ING3: variants seen among roughly 807,000 people sequenced by gnomAD.
The protein encoded by ING3 is inhibitor of growth protein 3.
ING3 carries 6 observed loss-of-function variants against 64.8 expected under a neutral mutation model. The observed-to-expected ratio is 0.09, with a 90% CI of 0.05 to 0.18. The LOEUF is 0.18. Among genes scored for constraint, ING3 ranks in the 10% least tolerant of loss-of-function variants. ING3 has a pLI of 1.00. For missense variants in ING3, 310 were observed against 489.7 expected (o/e 0.63, Z 3.46); for synonymous variants, 170 against 173.7 (o/e 0.98, Z 0.17).
chr7:120,953,486 G>T (rs1391871875), intron 3 of ING3, 82 bp downstream of exon 3: 2 of 782,904 alleles, frequency 2.6e-6, no homozygotes, highest in Non-Finnish European at 4.3e-6. Context: ...TAGTGGTCTG[G>T]ATATCAAAAT....
chr7:120,961,886 G>C (rs548136420), intron 4 of ING3, among the ~76,000 whole-genome samples: 1 of 152,318 alleles, frequency 6.6e-6, no homozygotes, highest in African/African-American at 2.4e-5. Context: ...CCCTGTTTTA[G>C]GAATCTGTGG....
At chr7:120,959,496 TTTTC>T (rs1795899818) in intron 4 of ING3, among the ~76,000 whole-genome samples, 2 of 152,078 alleles carry the variant, frequency 1.3e-5, no homozygotes, top group South Asian at 4.1e-4. Flanking sequence ...AGCATCTCCT[TTTTC>T]TTCTCTAACT....
chr7:120,958,840 G>A (rs1175653887), intron 4 of ING3, among the ~76,000 whole-genome samples: 1 of 152,194 alleles, frequency 6.6e-6, no homozygotes, highest in Non-Finnish European at 1.5e-5. Flanking sequence ...TTTAGCTAGT[G>A]TAGTCTTCCT....
chr7:120,972,032 A>G (rs1476718682), intron 10 of ING3, among the ~76,000 whole-genome samples: 1 of 152,064 alleles, frequency 6.6e-6, no homozygotes, highest in East Asian at 1.9e-4. Flanking sequence ...TACATTATGA[A>G]TCGACTCCTA....
rs1795760096 is a variant in ING3, at chr7:120,951,255, A to C, written c.100+20A>C. The C allele has an allele frequency of 6.2e-7, 1 of 1,612,336 alleles. No homozygotes were observed. The highest frequency in any genetic ancestry group is 1.3e-5 in the African/African-American group (1 of 74,786). On this transcript the variant is annotated intron_variant, in intron 2 of 11. Coordinates refer to ENST00000315870, the MANE Select transcript of ING3 (RefSeq NM_019071.3). ...TGCAGAGTAAGTCGGCGCGTCTACT[A>C]CTCCTGTTCGCTGCGCGCGTTCAGT...
Position 120,953,295 on chromosome 7 carries a change from A to G in ING3, c.101-9A>G, listed in dbSNP as rs766283704. 5 of 1,511,390 alleles carry G rather than the reference A, an allele frequency of 3.3e-6. No homozygotes were observed. In the Admixed American group the frequency reaches 6.4e-5, roughly 19 times the overall value. 93.6% of individuals were successfully genotyped at this position (1,511,390 alleles called of 1,614,324 possible). A position where few individuals can be genotyped will look rare whatever the true frequency, so the allele number is the denominator to read the frequency against. On this transcript the variant is annotated splice_polypyrimidine_tract_variant and intron_variant, in intron 2 of 11. Coordinates refer to ENST00000315870, the MANE Select transcript of ING3 (RefSeq NM_019071.3). ...TCATTTAATATGAATTTTTTTTATT[A>G]TGTCATAGATGCAATGGATCAACTA...
At position 120,975,110 on chromosome 7, in the gene ING3, T is replaced by C; in HGVS notation, c.*266T>C. 4.5e-6 allele frequency: 1 copy of C among 220,690 alleles called. No homozygotes were observed. Among genetic ancestry groups the C allele is most frequent in the Non-Finnish European group, 9.2e-6 (1 of 109,044 alleles). 13.7% of individuals were successfully genotyped at this position (220,690 alleles called of 1,614,324 possible). ...TTCAGTGGCCAACATATGCAGACAT[T>C]TGTACTCCTCAACCATTTTCTCAAA... On this transcript the variant is annotated 3_prime_UTR_variant, in exon 12 of 12. Coordinates refer to ENST00000315870, the MANE Select transcript of ING3 (RefSeq NM_019071.3).
At chr7:120,959,684 C>T (rs1325612110) in intron 4 of ING3, among the ~76,000 whole-genome samples, 7 of 110,622 alleles carry the variant, frequency 6.3e-5, no homozygotes, top group African/African-American at 1.0e-4. Flanking sequence ...CTCACTCTTT[C>T]GCCCAAGCTG....
At chr7:120,951,026 G>T (rs1351359505) in intron 1 of ING3, 102 bp downstream of exon 1, 19 of 1,473,930 alleles carry the variant, frequency 1.3e-5, no homozygotes, top group East Asian at 2.3e-5. Flanking sequence ...GGCGGCGGGG[G>T]ATGTTTCTTT....
In ING3 at chr7:120,953,283, AT is replaced by A. The variant is rs747094497; in HGVS notation, c.101-13del. 56 of 1,456,106 alleles carry A rather than the reference AT, an allele frequency of 3.8e-5. No individual in the cohort carries two copies. The highest frequency in any genetic ancestry group is 2.6e-4 in the Admixed American group (12 of 46,788). 90.2% of individuals were successfully genotyped at this position (1,456,106 alleles called of 1,614,324 possible). A position where few individuals can be genotyped will look rare whatever the true frequency, so the allele number is the denominator to read the frequency against. On this transcript the variant is annotated intron_variant, in intron 2 of 11. Transcript: ENST00000315870. ...ATATGAATTTGGTCATTTAATATGA[AT>A]TTTTTTTATTATGTCATAGATGCAA...
chr7:120,958,785 A>C (rs1434288729), intron 4 of ING3, among the ~76,000 whole-genome samples: 1 of 152,210 alleles, frequency 6.6e-6, no homozygotes, highest in Non-Finnish European at 1.5e-5. Context: ...ATTTAAAAAG[A>C]ACTCAGGCAA....
chr7:120,967,723 T>C, intron 7 of ING3, 75 bp downstream of exon 7: 1 of 1,431,160 alleles, frequency 7.0e-7, no homozygotes, highest in South Asian at 1.4e-5. Context: ...GTTTCAGGAT[T>C]AATGAATCAT....
At chr7:120,955,345 T>C (rs1038977971) in intron 3 of ING3, among the ~76,000 whole-genome samples, 1 of 152,132 alleles carries the variant, frequency 6.6e-6, no homozygotes, top group African/African-American at 2.4e-5. Context: ...GCCAGGCTGG[T>C]CCCAAACTCC....
intron 11 of ING3, 144 bp downstream of exon 11, chr7:120,973,387 C>A (rs931726260): frequency 1.7e-6 from 1 of 575,128 alleles, no homozygotes; most frequent in East Asian, 2.9e-5. Flanking sequence ...CTAGAATATT[C>A]CTCTTCAAAA....
rs141222579 is a variant in ING3 at position 120,957,510 on chromosome 7, T to C, written c.267+1886T>C. 7.9e-3 allele frequency among the ~76,000 whole-genome samples: 1,206 copies of C among 152,176 alleles called. 6 individuals carry two copies. The highest frequency in any genetic ancestry group is 0.012 in the Non-Finnish European group (846 of 68,016). On this transcript the variant is annotated intron_variant, in intron 4 of 11. Transcript: ENST00000315870. ...ATGTAATAAACATTAACCAGTTGAA[T>C]ATTAAGGGGTGTCTACTGAAAAACA... is the stretch of plus-strand genomic sequence containing the variant.
chr7:120,957,443 C>T (rs1795866687), intron 4 of ING3, among the ~76,000 whole-genome samples: 1 of 151,124 alleles, frequency 6.6e-6, no homozygotes, highest in Non-Finnish European at 1.5e-5. Flanking sequence ...TGTTGTGGGG[C>T]AGACATACCT....
At chr7:120,963,434 G>A (rs1381177380) in intron 4 of ING3, among the ~76,000 whole-genome samples, 3 of 145,434 alleles carry the variant, frequency 2.1e-5, no homozygotes, top group Non-Finnish European at 4.6e-5. Context: ...TTATTCTGAA[G>A]AATGTTTTTC....
At chr7:120,966,782 A>G (rs1478153287) in intron 6 of ING3, 85 bp downstream of exon 6, 5 of 958,096 alleles carry the variant, frequency 5.2e-6, no homozygotes, top group Non-Finnish European at 8.5e-6. Flanking sequence ...TTAACTCTAC[A>G]CAACCAATTG....
chr7:120,976,378 G>C lies in ING3; in HGVS notation c.*1534G>C, dbSNP rs1006600497. On this transcript the variant is annotated 3_prime_UTR_variant, in exon 12 of 12. Transcript: ENST00000315870. Reference sequence around the variant, plus strand: ...TGTGAGGTAGATAGGGGATTTCAAAGATCTCTTCCACCTTTGAGATCCCAT... The same window carrying C: ...TGTGAGGTAGATAGGGGATTTCAAACATCTCTTCCACCTTTGAGATCCCAT... The C allele has an allele frequency of 6.6e-6, 1 of 152,048 alleles. No homozygotes were observed. The highest frequency in any genetic ancestry group is 1.5e-5 in the Non-Finnish European group (1 of 67,992). The allele number at this position is 152,048 out of a possible 1,614,324, so 9.4% of individuals were successfully genotyped here. A position where few individuals can be genotyped will look rare whatever the true frequency, so the allele number is the denominator to read the frequency against.
Sources: allele counts gnomAD v4.1 joint callset (sites outside exome capture counted in the v4.1 genomes callset), GRCh38; gene constraint gnomAD v4.1.1; transcripts MANE v1.5; gene names NCBI Gene and HGNC (gene_info 2026-07-23, HGNC 2026-07-21).